Variants in ATXN10 observed in about 807,000 individuals in gnomAD.
ATXN10 encodes ataxin-10.
A neutral mutation model predicts 52.9 loss-of-function variants in ATXN10; 28 were observed. The observed-to-expected ratio is 0.53, with a 90% confidence interval of 0.39 to 0.73. ATXN10 has a LOEUF of 0.73. Ranked by LOEUF, ATXN10 falls within the 30% of genes least tolerant of loss-of-function variation. The pLI is 0.00. For missense variants in ATXN10, 565 were observed against 577.0 expected (o/e 0.98, Z 0.21); for synonymous variants, 226 against 221.5 (o/e 1.02, Z -0.18).
Position 45,840,118 on chromosome 22 carries a change from G to T in ATXN10, c.1238-2873G>T, listed in dbSNP as rs776372040. ...TTCAATAAGGCCAGACACGGTGGCT[G>T]TAGTCCCAGCTATTCGGGAGGCTGA... On this transcript the variant is annotated intron_variant, in intron 10 of 11. Coordinates refer to ENST00000252934, the MANE Select transcript of ATXN10 (RefSeq NM_013236.4). This position sits in a 1 kb window ranked among gnomAD's most constrained non-coding sequence, Gnocchi z 5.8. Among the ~76,000 whole-genome samples, 10 of 152,232 alleles carry T rather than the reference G, an allele frequency of 6.6e-5. No individual in the cohort carries two copies. The highest frequency in any genetic ancestry group is 1.3e-4 in the Non-Finnish European group (9 of 68,026).
chr22:45,679,390 G>GT (rs1172893867), intron 1 of ATXN10: 3 of 152,210 alleles, frequency 2.0e-5, no homozygotes, highest in Non-Finnish European at 4.4e-5. Context: ...ATTTCAAGGG[G>GT]TAAAAAATGA....
chr22:45,775,822 C>T lies in ATXN10; in HGVS notation c.1174-31137C>T, dbSNP rs1926933702. Among the ~76,000 whole-genome samples, 1 of 152,150 alleles carries T rather than the reference C, an allele frequency of 6.6e-6. No homozygotes were observed. Among genetic ancestry groups the T allele is most frequent in the African/African-American group, 2.4e-5 (1 of 41,402 alleles). The stretch of plus-strand genomic sequence containing the variant: ...AGCACCAATAATAAATATTCTACAG[C>T]CTCTAACCTGATAGATCATTCCGCC... On this transcript the variant is annotated intron_variant, in intron 9 of 11. Coordinates refer to ENST00000252934, the MANE Select transcript of ATXN10 (RefSeq NM_013236.4). The surrounding 1 kb of genome is among the most constrained non-coding windows in gnomAD (Gnocchi z 4.7).
At chr22:45,672,209 G>C (rs1256250917) in intron 1 of ATXN10, 30 bp downstream of exon 1, 12 of 1,484,532 alleles carry the variant, frequency 8.1e-6, no homozygotes, top group Non-Finnish European at 9.8e-6. Flanking sequence ...GGCTGCCCCG[G>C]GCAGGGGAGG....
chr22:45,791,761 T>C (rs1927519741), intron 9 of ATXN10, among the ~76,000 whole-genome samples: 1 of 152,202 alleles, frequency 6.6e-6, no homozygotes, highest in South Asian at 2.1e-4. Context: ...GGTCTGTCTT[T>C]CCTGGTTTTG....
chr22:45,768,914 C>T (rs1926680279), intron 9 of ATXN10, among the ~76,000 whole-genome samples: 2 of 152,064 alleles, frequency 1.3e-5, no homozygotes, highest in African/African-American at 4.8e-5. Context: ...AAAACAATGG[C>T]AATCTGGTTA....
rs929733613 is a variant in ATXN10, at chr22:45,828,350, A to T, written c.1238-14641A>T. On this transcript the variant is annotated intron_variant, in intron 10 of 11. Transcript: ENST00000252934. This position sits in a 1 kb window ranked among gnomAD's most constrained non-coding sequence, Gnocchi z 4.5. Reference sequence around the variant, plus strand: ...CATTAAAAAATAAGAAAGTTCAAAGAACTAGATAAGGACATAGAAAAAGTA... The same window carrying T: ...CATTAAAAAATAAGAAAGTTCAAAGTACTAGATAAGGACATAGAAAAAGTA... 6.6e-6 allele frequency among the ~76,000 whole-genome samples: 1 copy of T among 152,146 alleles called. No individual in the cohort carries two copies. Among genetic ancestry groups the T allele is most frequent in the Non-Finnish European group, 1.5e-5 (1 of 68,026 alleles).
chr22:45,821,531 A>G (rs1223594596), intron 10 of ATXN10, among the ~76,000 whole-genome samples: 1 of 152,182 alleles, frequency 6.6e-6, no homozygotes, highest in Admixed American at 6.5e-5. Flanking sequence ...AAGGCACTGC[A>G]CATCATGGTG....
chr22:45,830,590 CA>C (rs1051265939), intron 10 of ATXN10, among the ~76,000 whole-genome samples: 5 of 151,010 alleles, frequency 3.3e-5, no homozygotes, highest in African/African-American at 4.9e-5. Context: ...GGCCAAGAAG[CA>C]CATGAAAATA....
intron 9 of ATXN10, among the ~76,000 whole-genome samples, chr22:45,755,313 C>T (rs1418779661): frequency 6.6e-6 from 1 of 152,206 alleles, no homozygotes; most frequent in Non-Finnish European, 1.5e-5. Flanking sequence ...TGTCAAAATG[C>T]AAACACACCT....
rs781133315 is a variant in ATXN10, at chr22:45,690,279, G to GAA, written c.308+392_308+393dup. ...CCACATTGTGAGACCCTGTCTCAGG[G>GAA]AAAAAAAAAAAAAAAAAGTTGTTCT... is the stretch of plus-strand genomic sequence containing the variant. On this transcript the variant is annotated intron_variant, in intron 2 of 11. Transcript: ENST00000252934. The surrounding 1 kb of genome is among the most constrained non-coding windows in gnomAD (Gnocchi z 4.5). 1.0e-4 allele frequency among the ~76,000 whole-genome samples: 13 copies of GAA among 130,126 alleles called. No individual in the cohort carries two copies. In the South Asian group the frequency reaches 1.7e-3, roughly 17 times the overall value. The allele number at this position is 130,126 out of a possible 152,430, so 85.4% of individuals were successfully genotyped here.
At chr22:45,692,358 C>T (rs899166581) in intron 2 of ATXN10, among the ~76,000 whole-genome samples, 2 of 151,726 alleles carry the variant, frequency 1.3e-5, no homozygotes, top group East Asian at 1.9e-4. Context: ...TATGGTTGGG[C>T]GGAAATGAAA....
chr22:45,832,948 A>T (rs139468384), intron 10 of ATXN10, among the ~76,000 whole-genome samples: 1 of 152,348 alleles, frequency 6.6e-6, no homozygotes, highest in African/African-American at 2.4e-5. Context: ...AAAGTGTTAT[A>T]GTGAATGTTG....
At chr22:45,721,351 T>C (rs961628955) in intron 6 of ATXN10, among the ~76,000 whole-genome samples, 9 of 152,198 alleles carry the variant, frequency 5.9e-5, no homozygotes. Flanking sequence ...ATGCTAGTGC[T>C]GCCGCTTACT....
chr22:45,714,965 TCTC>T (rs1207999112), intron 5 of ATXN10, among the ~76,000 whole-genome samples: 1 of 152,150 alleles, frequency 6.6e-6, no homozygotes, highest in African/African-American at 2.4e-5. Context: ...TGTCTTCCCT[TCTC>T]CTCCGTCCTT....
At chr22:45,796,216 T>G (rs34218136) in intron 9 of ATXN10, among the ~76,000 whole-genome samples, 14,030 of 152,298 alleles carry the variant, frequency 0.092, 837 homozygotes, top group Middle Eastern at 0.15. Flanking sequence ...CTCCCTGGTC[T>G]CCTGCAGCGC....
At chr22:45,749,676 C>T (rs1925871663) in intron 9 of ATXN10, among the ~76,000 whole-genome samples, 1 of 151,990 alleles carries the variant, frequency 6.6e-6, no homozygotes, top group Non-Finnish European at 1.5e-5. Flanking sequence ...GTTCTCCTAC[C>T]TCAGCCTCCC....
intron 9 of ATXN10, among the ~76,000 whole-genome samples, chr22:45,753,454 G>A (rs988627711): frequency 2.4e-5 from 3 of 123,306 alleles, no homozygotes; most frequent in African/African-American, 9.4e-5. Context: ...TGCCCAGGCT[G>A]GAGTGCTATG....
chr22:45,761,014 G>A (rs1926370136), intron 9 of ATXN10, among the ~76,000 whole-genome samples: 1 of 152,072 alleles, frequency 6.6e-6, no homozygotes, highest in African/African-American at 2.4e-5. Context: ...GAAAGAGGAA[G>A]CTTTCTTTCA....
intron 9 of ATXN10, chr22:45,792,684 A>G (rs1927556564): frequency 3.4e-6 from 1 of 291,802 alleles, no homozygotes; most frequent in Non-Finnish European, 7.1e-6. Flanking sequence ...GTAGGGTTTC[A>G]GTGGCTCTGA....
Sources: gnomAD v4.1 joint callset for allele counts (sites outside exome capture counted in the v4.1 genomes callset) on GRCh38, gnomAD v4.1.1 for gene constraint, Gnocchi (gnomAD v3.1) non-coding constraint, MANE v1.5 for transcripts, NCBI Gene and HGNC (gene_info 2026-07-23, HGNC 2026-07-21) for gene names.